FRMD4A: variants seen among roughly 807,000 people sequenced by gnomAD.
FRMD4A encodes the protein FERM domain containing 4A, also known as FERM domain-containing protein 4A.
FRMD4A carries 29 observed loss-of-function variants against 129.1 expected under a neutral mutation model. The ratio of observed to expected loss-of-function variants is 0.22; its 90% CI spans 0.17 to 0.31. FRMD4A has a LOEUF of 0.31. Ranked by LOEUF, FRMD4A falls within the 10% of genes least tolerant of loss-of-function variation. FRMD4A has a pLI of 1.00. For synonymous variants in FRMD4A, 634 were observed against 571.6 expected (o/e 1.11, Z -1.56); for missense variants, 1,272 against 1,375.8 (o/e 0.92, Z 1.19).
intron 2 of FRMD4A, among the ~76,000 whole-genome samples, chr10:14,043,803 G>A (rs1476079879): frequency 6.6e-6 from 1 of 152,140 alleles, no homozygotes; most frequent in Admixed American, 6.5e-5. Context: ...CATTCAACTA[G>A]GTGTCCGGTC....
At chr10:14,086,973 TA>T (rs539281489) in intron 2 of FRMD4A, among the ~76,000 whole-genome samples, 1 of 152,116 alleles carries the variant, frequency 6.6e-6, no homozygotes, top group Admixed American at 6.6e-5. Flanking sequence ...ATGCTAGTGG[TA>T]GGGGGTGTGT....
In FRMD4A at chr10:13,793,305, G is replaced by C. The variant is rs184069799; in HGVS notation, c.299+3191C>G. The stretch of plus-strand genomic sequence containing the variant: ...TCCTGCCTCAGCCTCCCAAGTAGCT[G>C]GGATTACAGGCATGCACCATCATTC... On this transcript the variant is annotated intron_variant, in intron 5 of 24. Transcript: ENST00000357447. Among the ~76,000 whole-genome samples, 387 of 152,082 alleles carry C rather than the reference G, an allele frequency of 2.5e-3. 3 individuals are homozygous for C. The highest frequency in any genetic ancestry group is 8.8e-3 in the African/African-American group (363 of 41,450).
intron 2 of FRMD4A, among the ~76,000 whole-genome samples, chr10:14,175,324 A>AGGGCGAGCCAC (rs1564364136): frequency 6.6e-6 from 1 of 151,980 alleles, no homozygotes; most frequent in African/African-American, 2.4e-5. Context: ...TCCCCAAGAT[A>AGGGCGAGCCAC]GGGCGAGCCA....
rs551476195 is a variant in FRMD4A, at chr10:14,042,116, T to A, written c.46-183204A>T. The stretch of plus-strand genomic sequence containing the variant: ...ATTCAAAGACCTGTGCTAACATTTT[T>A]AAATGTCTGCTAGCCGTAATAAAGA... On this transcript the variant is annotated intron_variant, in intron 2 of 24. Coordinates refer to ENST00000357447, the MANE Select transcript of FRMD4A (RefSeq NM_018027.5). Among the ~76,000 whole-genome samples, 32 of 152,358 alleles carry A rather than the reference T, an allele frequency of 2.1e-4. 1 individual carries two copies. In the South Asian group the frequency reaches 3.9e-3, roughly 19 times the overall value.
intron 2 of FRMD4A, among the ~76,000 whole-genome samples, chr10:14,159,243 CAATACA>C (rs1430180971): frequency 6.6e-6 from 1 of 152,156 alleles, no homozygotes; most frequent in African/African-American, 2.4e-5. Flanking sequence ...CAAGGCTGTG[CAATACA>C]ATTATGATTT....
intron 5 of FRMD4A, among the ~76,000 whole-genome samples, chr10:13,784,316 C>T (rs992744825): frequency 7.9e-5 from 12 of 152,158 alleles, no homozygotes; most frequent in African/African-American, 2.9e-4. Context: ...GTTCTTCAGA[C>T]CGTAAAAGAA....
At chr10:13,930,892 G>C (rs988815854) in intron 2 of FRMD4A, among the ~76,000 whole-genome samples, 4 of 151,878 alleles carry the variant, frequency 2.6e-5, no homozygotes, top group Non-Finnish European at 5.9e-5. Context: ...GAGTGCAGTG[G>C]TGCCATCACA....
intron 2 of FRMD4A, among the ~76,000 whole-genome samples, chr10:13,962,060 AATG>A (rs2095449082): frequency 6.6e-6 from 1 of 152,216 alleles, no homozygotes; most frequent in African/African-American, 2.4e-5. Flanking sequence ...TGAATGAATG[AATG>A]AATGAATGAA....
At chr10:14,218,181 A>T (rs1843133604) in intron 2 of FRMD4A, among the ~76,000 whole-genome samples, 1 of 152,082 alleles carries the variant, frequency 6.6e-6, no homozygotes, top group Non-Finnish European at 1.5e-5. Context: ...TCCCAATTCT[A>T]TCATGATTCT....
chr10:13,760,089 C>T (rs1484398315), intron 8 of FRMD4A, among the ~76,000 whole-genome samples: 2 of 152,044 alleles, frequency 1.3e-5, no homozygotes, highest in East Asian at 3.9e-4. Context: ...ATATGAAATT[C>T]ATATTTCTGT....
chr10:13,771,360 A>C (rs1471246989), intron 6 of FRMD4A, among the ~76,000 whole-genome samples: 1 of 152,238 alleles, frequency 6.6e-6, no homozygotes, highest in Non-Finnish European at 1.5e-5. Flanking sequence ...GGTATGAGCC[A>C]CCACGCCTGG....
At chr10:13,924,741 G>C (rs371371435) in intron 2 of FRMD4A, among the ~76,000 whole-genome samples, 2 of 151,808 alleles carry the variant, frequency 1.3e-5, no homozygotes, top group South Asian at 2.1e-4. Context: ...TTTTATTCTC[G>C]GCGTTATCCC....
chr10:13,917,216 A>T (rs2095019112), intron 2 of FRMD4A, among the ~76,000 whole-genome samples: 1 of 152,050 alleles, frequency 6.6e-6, no homozygotes, highest in Non-Finnish European at 1.5e-5. Flanking sequence ...GCGGATATTA[A>T]TATTGTTGGG....
chr10:13,682,740 C>G (rs971590891), intron 15 of FRMD4A, among the ~76,000 whole-genome samples: 1 of 152,086 alleles, frequency 6.6e-6, no homozygotes, highest in Admixed American at 6.6e-5. Flanking sequence ...GAACTCCTGA[C>G]CCTGTGATCC....
intron 2 of FRMD4A, among the ~76,000 whole-genome samples, chr10:14,013,128 T>C (rs1221512208): frequency 6.6e-6 from 1 of 152,154 alleles, no homozygotes; most frequent in Non-Finnish European, 1.5e-5. Flanking sequence ...TCTGATTTTG[T>C]TCCTTATCAT....
intron 2 of FRMD4A, among the ~76,000 whole-genome samples, chr10:14,243,284 G>A (rs1392339109): frequency 6.6e-6 from 1 of 152,142 alleles, no homozygotes; most frequent in Non-Finnish European, 1.5e-5. Flanking sequence ...TGGATCATGG[G>A]GGCGGTTTCT....
intron 6 of FRMD4A, among the ~76,000 whole-genome samples, chr10:13,764,931 C>G (rs1319839882): frequency 6.6e-6 from 1 of 152,044 alleles, no homozygotes; most frequent in East Asian, 1.9e-4. Flanking sequence ...GGGAACAGAC[C>G]CCCTACTACT....
At chr10:13,778,909 G>GT (rs1036686896) in intron 6 of FRMD4A, among the ~76,000 whole-genome samples, 4 of 152,188 alleles carry the variant, frequency 2.6e-5, no homozygotes, top group African/African-American at 7.2e-5. Context: ...GTATACCTAT[G>GT]TAACAAACCT....
chr10:14,016,464 T>C (rs776730767), intron 2 of FRMD4A, among the ~76,000 whole-genome samples: 5 of 152,230 alleles, frequency 3.3e-5, no homozygotes, highest in Admixed American at 1.3e-4. Context: ...CCTCCTGCAC[T>C]TCACCGTCTA....
Sources: gnomAD v4.1 joint callset for allele counts (sites outside exome capture counted in the v4.1 genomes callset) on GRCh38, gnomAD v4.1.1 for gene constraint, MANE v1.5 for transcripts, NCBI Gene and HGNC (gene_info 2026-07-23, HGNC 2026-07-21) for gene names.